The following EPHB6 variants were observed in gnomAD, a reference collection of about 807,000 sequenced individuals.
EPHB6 encodes EPH receptor B6.
In EPHB6, 51 loss-of-function variants were observed where a neutral mutation model predicts 107.0. The observed-to-expected ratio is 0.48, with a 90% confidence interval of 0.38 to 0.60. EPHB6 has a LOEUF of 0.60. EPHB6 is among the 20% of genes least tolerant of loss of function. The pLI, the probability that EPHB6 is intolerant of heterozygous loss-of-function variation, is 0.00. For missense variants in EPHB6, 1,141 were observed against 1,355.5 expected, an observed-to-expected ratio of 0.84 and a Z score of 2.48; for synonymous variants, 553 against 549.0, an observed-to-expected ratio of 1.01 and a Z score of -0.10.
chr7:142,863,866 T>A (rs998566602), intron 6 of EPHB6, 100 bp from the exon 7 acceptor site: 2 of 1,562,906 alleles, frequency 1.3e-6, no homozygotes, highest in African/African-American at 2.7e-5. Context: ...TGTCATTAAT[T>A]TTAAGTCTCA....
Position 142,867,221 on chromosome 7 carries a change from T to A in EPHB6, c.1750+153T>A. 2 of 930,212 alleles carry A rather than the reference T, an allele frequency of 2.2e-6. No individual in the cohort carries two copies. Among genetic ancestry groups the A allele is most frequent in the Non-Finnish European group, 3.2e-6 (2 of 630,764 alleles). 57.6% of individuals were successfully genotyped at this position (930,212 alleles called of 1,614,324 possible). ...AGTGCCTTTTGCTCAGCAGCTGACC[T>A]AGGGGCTACTCGGGGAGGTGGGGAA... On this transcript the variant is annotated intron_variant, in intron 11 of 19. Transcript: ENST00000652003. The surrounding 1 kb of genome is among the most constrained non-coding windows in gnomAD (Gnocchi z 5.3).
Position 142,868,976 on chromosome 7 carries a change from G to A in EPHB6, c.2289G>A (p.Gln763=). The A allele has an allele frequency of 6.2e-7, 1 of 1,608,332 alleles. No individual in the cohort carries two copies. Among genetic ancestry groups the A allele is most frequent in the Non-Finnish European group, 8.5e-7 (1 of 1,179,844 alleles). The change falls in exon 16 of 20, where the codon CAG becomes CAA. Residue 763 remains glutamine, a splice_region_variant and synonymous_variant. Coordinates refer to ENST00000652003, the MANE Select transcript of EPHB6 (RefSeq NM_004445.6). The surrounding 1 kb of genome is among the most constrained non-coding windows in gnomAD (Gnocchi z 4.2). The part of the protein sequence containing the change: ...ELGPLDSFLR[Q]REGQFSSLQL... ...TGCCCCCTGCCCCTTCCCCTCAGCA[G>A]CGGGAGGGCCAGTTCAGCAGCCTGC...
rs1236845423 is a variant in EPHB6, at chr7:142,865,435, A to G, written c.950-40A>G. 4 of 1,611,280 alleles carry G rather than the reference A, an allele frequency of 2.5e-6. No individual in the cohort carries two copies. The South Asian group carries it at 3.3e-5, about 13-fold the overall frequency. ...TGTTGGGAGCTCAGGGTGGGTGGACAGAGCGAGTGTGACGCCCCCACTCTC... is the reference window on the plus strand; with the variant it reads ...TGTTGGGAGCTCAGGGTGGGTGGACGGAGCGAGTGTGACGCCCCCACTCTC... On this transcript the variant is annotated intron_variant, in intron 7 of 19. Coordinates refer to ENST00000652003, the MANE Select transcript of EPHB6 (RefSeq NM_004445.6).
chr7:142,870,889 C>G lies in EPHB6; in HGVS notation c.3054C>G (p.Gly1018=). Residue 1018 remains glycine (G), a synonymous_variant, in exon 20 of 20, where the codon GGC becomes GGG. Transcript: ENST00000652003. ...TTCAGCAACACCTGAGGCAGCAGGGCTCAGTGGAGGTCTGAGAATGACGAT... is the reference window on the plus strand; with the variant it reads ...TTCAGCAACACCTGAGGCAGCAGGGGTCAGTGGAGGTCTGAGAATGACGAT... ...QLLQQHLRQQ[G]SVEV 6.2e-7 allele frequency: 1 copy of G among 1,613,560 alleles called. No homozygotes were observed. Among genetic ancestry groups the G allele is most frequent in the South Asian group, 1.1e-5 (1 of 91,074 alleles).
In EPHB6 at chr7:142,865,557, A is replaced by T. The variant is rs149409060; in HGVS notation, c.1032A>T (p.Pro344=). The T allele has an allele frequency of 1.8e-4, 289 of 1,613,648 alleles. 1 individual carries two copies. The highest frequency in any genetic ancestry group is 8.9e-5 in the East Asian group (4 of 44,836). The change falls in exon 8 of 20, where the codon CCA becomes CCT. Residue 344 remains proline (P), a synonymous_variant. Coordinates refer to ENST00000652003, the MANE Select transcript of EPHB6 (RefSeq NM_004445.6). The stretch of plus-strand genomic sequence containing the variant: ...CTGCCCGCAGTCACGCTCCCAACCC[A>T]GCAGCCCCCGTTTGCCCCTGCCTGG... ...PCPARSHAPN[P]AAPVCPCLEG...
chr7:142,865,335 G>GTC, intron 7 of EPHB6, 140 bp from the exon 8 acceptor site: 1 of 1,067,642 alleles, frequency 9.4e-7, no homozygotes, highest in Non-Finnish European at 1.4e-6. Flanking sequence ...GGAAGAGAGG[G>GTC]TGGGGTTCAG....
chr7:142,856,429 T>G (rs954093777), intron 1 of EPHB6, among the ~76,000 whole-genome samples: 1 of 152,168 alleles, frequency 6.6e-6, no homozygotes. Context: ...TTGGAGTCTA[T>G]TACTCCATTC....
Position 142,865,601 on chromosome 7 carries a change from G to T in EPHB6, c.1076G>T (p.Ser359Ile). Reference sequence around the variant, plus strand: ...TGCCTGGAGGGCTTCTACCGGGCCAGTTCCGACCCACCAGAGGCCCCCTGC... The same window carrying T: ...TGCCTGGAGGGCTTCTACCGGGCCATTTCCGACCCACCAGAGGCCCCCTGC... The part of the protein sequence containing the change: ...CPCLEGFYRA[S>I]SDPPEAPCTG... Residue 359 changes from serine to isoleucine, a missense_variant, in exon 8 of 20, where the codon AGT becomes ATT. Physicochemically the swap from Ser to Ile is moderately radical, Grantham distance 142. Coordinates refer to ENST00000652003, the MANE Select transcript of EPHB6 (RefSeq NM_004445.6). 3 of 1,613,728 alleles carry T rather than the reference G, an allele frequency of 1.9e-6. No homozygotes were observed.
chr7:142,864,779 G>A (rs8177144), intron 7 of EPHB6, 30 bp downstream of exon 7: 73,973 of 1,612,014 alleles, frequency 0.046, 1,915 homozygotes, highest in Non-Finnish European at 0.05. Flanking sequence ...GCACTTGCCC[G>A]ACACCTCCCA....
rs8177141 is a variant in EPHB6, at chr7:142,864,253, C to T, written c.453C>T (p.Arg151=). Residue 151 remains arginine, a synonymous_variant, in exon 7 of 20, where the codon CGC becomes CGT. Transcript: ENST00000652003. ...GCGTTTCCTCCTGGCACCTCAAACG[C>T]TGGACCAAGGTGGACACAATTGCAG... The part of the protein sequence containing the change: ...PDSVSSWHLK[R]WTKVDTIAAD... 7,241 of 1,613,858 alleles carry T rather than the reference C, an allele frequency of 4.5e-3. 258 individuals carry two copies. The African/African-American group carries it at 0.08, about 18-fold the overall frequency.
At chr7:142,863,769 T>C in intron 6 of EPHB6, 74 bp downstream of exon 6, 3 of 1,554,720 alleles carry the variant, frequency 1.9e-6, no homozygotes, top group Non-Finnish European at 2.7e-6. Flanking sequence ...GTGGAATTCA[T>C]GAAGGAAACC....
rs1026787674 is a variant in EPHB6, at chr7:142,866,152, A to G, written c.1298A>G (p.His433Arg). The change falls in exon 9 of 20, where the codon CAC (histidine) becomes CGC (arginine). Residue 433 changes from histidine to arginine, a missense_variant. By Grantham distance (29) the His-to-Arg change is conservative. This residue lies in a region of EPHB6 where 304 missense variants were observed against 295.7 expected (regional missense o/e 1.03). Transcript: ENST00000652003. The surrounding 1 kb of genome is among the most constrained non-coding windows in gnomAD (Gnocchi z 5.2). The part of the protein sequence containing the change: ...GTCHRCRDEV[H>R]FDPRQRGLTE... ...TGTCACCGCTGCAGGGATGAGGTCC[A>G]CTTCGACCCTCGCCAGAGAGGCCTG... The G allele has an allele frequency of 3.7e-5, 60 of 1,613,902 alleles. No homozygotes were observed. Among genetic ancestry groups the G allele is most frequent in the Non-Finnish European group, 4.9e-5 (58 of 1,180,012 alleles).
In EPHB6 at chr7:142,867,143, G is replaced by A. The variant is rs1041326022; in HGVS notation, c.1750+75G>A. On this transcript the variant is annotated intron_variant, in intron 11 of 19. Transcript: ENST00000652003. This position sits in a 1 kb window ranked among gnomAD's most constrained non-coding sequence, Gnocchi z 5.3. Reference sequence around the variant, plus strand: ...GTGAGGAGAGGCCCAGGGACTGTCCGGCCTTGAACCCTGGCCCCGTGCTTC... The same window carrying A: ...GTGAGGAGAGGCCCAGGGACTGTCCAGCCTTGAACCCTGGCCCCGTGCTTC... 6 of 1,539,026 alleles carry A rather than the reference G, an allele frequency of 3.9e-6. No homozygotes were observed. Among genetic ancestry groups the A allele is most frequent in the Non-Finnish European group, 4.4e-6 (5 of 1,139,898 alleles).
intron 5 of EPHB6, 139 bp from the exon 6 acceptor site, chr7:142,863,492 C>T: frequency 2.4e-6 from 3 of 1,230,920 alleles, no homozygotes; most frequent in Non-Finnish European, 3.6e-6. Context: ...GAGAAAGGAC[C>T]CTGATGGACA....
Position 142,855,191 on chromosome 7 carries a change from G to A in EPHB6, c.-626G>A, listed in dbSNP as rs1802539916. On this transcript the variant is annotated 5_prime_UTR_variant, in exon 1 of 20. Transcript: ENST00000652003. The surrounding 1 kb of genome is among the most constrained non-coding windows in gnomAD (Gnocchi z 4.2). ...AGGATCTCCCGGCGCCCCACCTCTG[G>A]AGCAGCCCCTGCCGCCAGCGTCAGG... is the stretch of plus-strand genomic sequence containing the variant. 6.6e-6 allele frequency: 1 copy of A among 152,234 alleles called. No individual in the cohort carries two copies. Among genetic ancestry groups the A allele is most frequent in the African/African-American group, 2.4e-5 (1 of 41,444 alleles). 9.4% of individuals were successfully genotyped at this position (152,234 alleles called of 1,614,324 possible).
rs2116466524 is a variant in EPHB6 at position 142,868,275 on chromosome 7, C to T, written c.1953C>T (p.Thr651=). The T allele has an allele frequency of 1.2e-6, 2 of 1,614,204 alleles. No homozygotes were observed. The highest frequency in any genetic ancestry group is 3.3e-4 in the Middle Eastern group (2 of 6,062). The change falls in exon 14 of 20, where the codon ACC becomes ACT. Residue 651 remains threonine (T), a synonymous_variant. Coordinates refer to ENST00000652003, the MANE Select transcript of EPHB6 (RefSeq NM_004445.6). This position sits in a 1 kb window ranked among gnomAD's most constrained non-coding sequence, Gnocchi z 4.2. ...TGAAGTATTACATCGACCCCTCCAC[C>T]TACGAGGACCCCTGTCAGGCCATCC... ...LGVKYYIDPS[T]YEDPCQAIRE...
In EPHB6 at chr7:142,869,371, C is replaced by G. The variant is rs1446923691; in HGVS notation, c.2460+224C>G. ...AAGGGGATGAGGGAGGGGAGGAGAC[C>G]TGCAACAATCTAGAACTACCTCCTG... On this transcript the variant is annotated intron_variant, in intron 16 of 19. Coordinates refer to ENST00000652003, the MANE Select transcript of EPHB6 (RefSeq NM_004445.6). The surrounding 1 kb of genome is among the most constrained non-coding windows in gnomAD (Gnocchi z 4.5). Among the ~76,000 whole-genome samples, 2 of 152,076 alleles carry G rather than the reference C, an allele frequency of 1.3e-5. No individual in the cohort carries two copies. Among genetic ancestry groups the G allele is most frequent in the African/African-American group, 4.8e-5 (2 of 41,400 alleles).
rs1794667707 is a variant in EPHB6, at chr7:142,867,517, T to C, written c.1751-91T>C. The stretch of plus-strand genomic sequence containing the variant: ...TTGGGGCATGCGCGTGCATGTTGTG[T>C]GTGCCTGTGGTGTGTGTGGGTGCCT... On this transcript the variant is annotated intron_variant, in intron 11 of 19. Coordinates refer to ENST00000652003, the MANE Select transcript of EPHB6 (RefSeq NM_004445.6). The surrounding 1 kb of genome is among the most constrained non-coding windows in gnomAD (Gnocchi z 5.3). The C allele has an allele frequency of 9.3e-7, 1 of 1,072,608 alleles. No individual in the cohort carries two copies. Among genetic ancestry groups the C allele is most frequent in the Non-Finnish European group, 1.4e-6 (1 of 714,896 alleles). 66.4% of individuals were successfully genotyped at this position (1,072,608 alleles called of 1,614,324 possible). A position where few individuals can be genotyped will look rare whatever the true frequency, so the allele number is the denominator to read the frequency against.
At chr7:142,858,320 G>A (rs926059936) in intron 1 of EPHB6, among the ~76,000 whole-genome samples, 3 of 150,834 alleles carry the variant, frequency 2.0e-5, no homozygotes, top group Non-Finnish European at 4.4e-5. Context: ...TATTAAGTAA[G>A]CTTGATTTGC....
Sources: allele counts gnomAD v4.1 joint callset (sites outside exome capture counted in the v4.1 genomes callset), GRCh38; gene constraint gnomAD v4.1.1; regional missense constraint gnomAD v4.1.1; non-coding constraint Gnocchi (gnomAD v3.1); transcripts MANE v1.5; gene names NCBI Gene and HGNC (gene_info 2026-07-23, HGNC 2026-07-21).